The following LTF variants were observed in gnomAD, a reference collection of about 807,000 sequenced individuals.
LTF encodes epididymis luminal protein 110.
A neutral mutation model predicts 87.2 loss-of-function variants in LTF; 91 were observed. That is an observed-to-expected ratio of 1.04 (90% CI 0.88 to 1.24). LTF has a LOEUF of 1.24. LTF is among the 50% of genes most tolerant of loss of function. The pLI is 0.00. For missense variants in LTF, 901 were observed against 904.3 expected, an observed-to-expected ratio of 1.00 and a Z score of 0.05; for synonymous variants, 378 against 356.1, an observed-to-expected ratio of 1.06 and a Z score of -0.69.
At chr3:46,477,293 T>A (rs1314036492) in intron 1 of LTF, among the ~76,000 whole-genome samples, 2 of 152,238 alleles carry the variant, frequency 1.3e-5, no homozygotes, top group Non-Finnish European at 2.9e-5. Context: ...ACCATTTCCC[T>A]CCACTTGCCT....
chr3:46,472,529 A>AGT (rs1559611722), intron 1 of LTF, among the ~76,000 whole-genome samples: 3 of 107,966 alleles, frequency 2.8e-5, no homozygotes, highest in African/African-American at 1.1e-4. Context: ...TGTGTGTGTG[A>AGT]GAGAGAGAGA....
Position 46,456,376 on chromosome 3 carries a change from G to A in LTF, c.230C>T (p.Thr77Ile), listed in dbSNP as rs1702934290. Residue 77 changes from threonine to isoleucine, a missense_variant, in exon 3 of 17, where the codon ACC (threonine) becomes ATC (isoleucine). Coordinates refer to ENST00000231751, the MANE Select transcript of LTF (RefSeq NM_002343.6). ...AIAENRADAVTLDGGFIYEAG... is the reference protein window; with the variant it reads ...AIAENRADAVILDGGFIYEAG... ...CTCGTATATGAAACCACCATCAAGG[G>A]TCACAGCATCGGCCCTGTTTTCCTG... 6.2e-7 allele frequency: 1 copy of A among 1,614,160 alleles called. No homozygotes were observed. The highest frequency in any genetic ancestry group is 1.7e-5 in the Admixed American group (1 of 60,016).
At position 46,450,492 on chromosome 3, in the gene LTF, T is replaced by C; in HGVS notation, c.882+3A>G. 2 of 1,607,896 alleles carry C rather than the reference T, an allele frequency of 1.2e-6. No homozygotes were observed. The highest frequency in any genetic ancestry group is 1.7e-6 in the Non-Finnish European group (2 of 1,177,352). ...AAGTGGGGAGGACCGTGGGTGAAGA[T>C]ACCTGTGCCTGGCGGAGAAGATTCC... On this transcript the variant is annotated splice_donor_region_variant and intron_variant, in intron 7 of 16. Transcript: ENST00000231751.
chr3:46,472,752 G>A (rs1026620192), intron 1 of LTF, among the ~76,000 whole-genome samples: 1 of 152,084 alleles, frequency 6.6e-6, no homozygotes, highest in African/African-American at 2.4e-5. Context: ...GTCCAGGAGA[G>A]CAATGCCTCT....
chr3:46,452,295 G>C (rs1177075960), intron 6 of LTF, among the ~76,000 whole-genome samples: 1 of 152,010 alleles, frequency 6.6e-6, no homozygotes, highest in African/African-American at 2.4e-5. Context: ...CTAATAATTA[G>C]CCTCCCACAA....
At chr3:46,465,091 C>T, upstream of LTF, 1 of 588,376 alleles carries the variant, frequency 1.7e-6, no homozygotes, top group Non-Finnish European at 3.0e-6. Context: ...CAGCCTGCAC[C>T]TCACCTGTCC....
chr3:46,442,463 G>A (rs1477038033), intron 13 of LTF, among the ~76,000 whole-genome samples: 8 of 151,328 alleles, frequency 5.3e-5, no homozygotes, highest in Admixed American at 4.6e-4. Flanking sequence ...TAAAATGTGG[G>A]TGTTTCCAGT....
chr3:46,459,566 G>A, intron 2 of LTF, 90 bp downstream of exon 2: 3 of 1,248,604 alleles, frequency 2.4e-6, no homozygotes, highest in South Asian at 2.6e-5. Flanking sequence ...GTGAAGCAGA[G>A]GAAGTAAGGA....
chr3:46,458,473 T>TTTTATGGC (rs113825024), intron 2 of LTF, among the ~76,000 whole-genome samples: 31 of 152,116 alleles, frequency 2.0e-4, no homozygotes, highest in African/African-American at 7.5e-4. Flanking sequence ...AAAAGGCAGA[T>TTTTATGGC]TTTGTGGCTT....
chr3:46,460,123 A>T (rs960737639), intron 1 of LTF, among the ~76,000 whole-genome samples: 7 of 152,202 alleles, frequency 4.6e-5, no homozygotes, highest in Admixed American at 1.3e-4. Flanking sequence ...GATCCCCCAG[A>T]TCAGTTATGG....
intron 2 of LTF, among the ~76,000 whole-genome samples, chr3:46,456,718 A>G (rs1167116654): frequency 2.0e-5 from 3 of 152,124 alleles, no homozygotes; most frequent in Non-Finnish European, 4.4e-5. Flanking sequence ...TTTTTGCTCT[A>G]TATTCATTTC....
upstream of LTF, among the ~76,000 whole-genome samples, chr3:46,465,356 A>G (rs1356516704): frequency 6.6e-6 from 1 of 152,204 alleles, no homozygotes; most frequent in Admixed American, 6.5e-5. Flanking sequence ...CAGTGAGCTG[A>G]GAGTTGAAAA....
intron 15 of LTF, 96 bp from the exon 16 acceptor site, chr3:46,438,225 T>G: frequency 9.8e-7 from 1 of 1,022,210 alleles, no homozygotes; most frequent in Non-Finnish European, 1.5e-6. Context: ...AGAACAGCCC[T>G]GAGAAAACCA....
chr3:46,455,779 T>C lies in LTF; in HGVS notation c.499+17A>G. On this transcript the variant is annotated intron_variant, in intron 4 of 16. Coordinates refer to ENST00000231751, the MANE Select transcript of LTF (RefSeq NM_002343.6). ...GCCCCCTGCCTGAGGCCACTCACTA[T>C]CCCCCAGCCATCTTACCTGCCTCAA... 6.5e-7 allele frequency: 1 copy of C among 1,545,656 alleles called. No individual in the cohort carries two copies. Among genetic ancestry groups the C allele is most frequent in the Non-Finnish European group, 8.7e-7 (1 of 1,146,578 alleles).
rs1575314291 is a variant in LTF at position 46,450,671 on chromosome 3, C to T, written c.706G>A (p.Asp236Asn). 1.2e-6 allele frequency: 2 copies of T among 1,608,400 alleles called. No individual in the cohort carries two copies. Among genetic ancestry groups the T allele is most frequent in the East Asian group, 2.2e-5 (1 of 44,716 alleles). The change falls in exon 7 of 17, where the codon GAC (aspartate) becomes AAC (asparagine). Residue 236 changes from aspartate to asparagine, a missense_variant and splice_region_variant. Physicochemically the swap from Asp to Asn is conservative, Grantham distance 23. Coordinates refer to ENST00000231751, the MANE Select transcript of LTF (RefSeq NM_002343.6). Reference sequence around the variant, plus strand: ...TCCCTTTCAGCCTCGTCTGACAGGTCCTCTGCAGGGAAGGTGAGGTGGGAG... The same window carrying T: ...TCCCTTTCAGCCTCGTCTGACAGGTTCTCTGCAGGGAAGGTGAGGTGGGAG... The part of the protein sequence containing the change: ...AFIRESTVFE[D>N]LSDEAERDEY...
At chr3:46,472,493 T>G (rs184488182) in intron 1 of LTF, among the ~76,000 whole-genome samples, 2 of 84,550 alleles carry the variant, frequency 2.4e-5, no homozygotes, top group Non-Finnish European at 2.4e-5. Flanking sequence ...GATTATTGTG[T>G]GTGTGTGTGT....
At chr3:46,448,840 G>A (rs771035861) in intron 9 of LTF, 23 bp downstream of exon 9, 51 of 1,608,444 alleles carry the variant, frequency 3.2e-5, no homozygotes, top group South Asian at 1.9e-4. Flanking sequence ...CCCACCGCCC[G>A]CCCCTGTGAT....
At chr3:46,469,132 C>A (rs1703251623), upstream of LTF, among the ~76,000 whole-genome samples, 1 of 152,244 alleles carries the variant, frequency 6.6e-6, no homozygotes, top group African/African-American at 2.4e-5. Flanking sequence ...ATGGCTTTAA[C>A]AACGACTCTG....
intron 2 of LTF, among the ~76,000 whole-genome samples, chr3:46,458,872 C>G (rs1703008313): frequency 6.6e-6 from 1 of 152,216 alleles, no homozygotes; most frequent in African/African-American, 2.4e-5. Flanking sequence ...CCGCGCCCAG[C>G]CACTGGTACT....
Sources: gnomAD v4.1 joint callset for allele counts (sites outside exome capture counted in the v4.1 genomes callset) on GRCh38, gnomAD v4.1.1 for gene constraint, MANE v1.5 for transcripts, NCBI Gene and HGNC (gene_info 2026-07-23, HGNC 2026-07-21) for gene names.